Variants in CFAP92 observed in about 807,000 individuals in gnomAD.
CFAP92 encodes uncharacterized protein CFAP92.
Under a neutral mutation model 106.3 loss-of-function variants are expected in CFAP92, and 86 were observed. That is an observed-to-expected ratio of 0.81 (90% CI 0.68 to 0.97). The LOEUF is 0.97. Ranked by LOEUF, CFAP92 falls within the 50% of genes least tolerant of loss-of-function variation. The pLI is 0.00. For missense variants in CFAP92, 1,204 were observed against 1,283.8 expected, an observed-to-expected ratio of 0.94 and a Z score of 0.95; for synonymous variants, 477 against 506.4, an observed-to-expected ratio of 0.94 and a Z score of 0.78.
At chr3:128,977,202 A>T in intron 5 of CFAP92, 136 bp from the exon 6 acceptor site, 1 of 672,022 alleles carries the variant, frequency 1.5e-6, no homozygotes, top group Admixed American at 2.4e-5. Flanking sequence ...GGATATTGTT[A>T]ATAACTGAGT....
chr3:128,956,196 T>TAAAAAAAAAAA (rs577724635), intron 9 of CFAP92, among the ~76,000 whole-genome samples: 20 of 61,644 alleles, frequency 3.2e-4, no homozygotes, highest in Admixed American at 6.2e-4. Context: ...AAAAAAAAAA[T>TAAAAAAAAAAA]AAAAAAAAAA....
At chr3:128,919,733 T>G (rs1262856097) in intron 12 of CFAP92, among the ~76,000 whole-genome samples, 1 of 152,144 alleles carries the variant, frequency 6.6e-6, no homozygotes, top group East Asian at 1.9e-4. Context: ...AAAAGAAGCT[T>G]AAGAAGTTTA....
intron 6 of CFAP92, 39 bp downstream of exon 6, chr3:128,976,940 G>C (rs1350787989): frequency 4.0e-6 from 6 of 1,506,676 alleles, no homozygotes; most frequent in Middle Eastern, 1.7e-4. Flanking sequence ...TACAAGAGGG[G>C]CTCCACTCCC....
chr3:128,975,314 T>C (rs929633658), intron 7 of CFAP92, among the ~76,000 whole-genome samples: 1 of 152,116 alleles, frequency 6.6e-6, no homozygotes, highest in African/African-American at 2.4e-5. Context: ...GTTCCCCATA[T>C]GCACAACACC....
intron 1 of CFAP92, chr3:129,001,478 A>T: frequency 8.1e-7 from 1 of 1,234,768 alleles, no homozygotes; most frequent in Non-Finnish European, 1.0e-6. Context: ...CTGTGAGGCC[A>T]GCGCAGCTGC....
intron 1 of CFAP92, chr3:129,002,117 C>A: frequency 6.8e-7 from 1 of 1,481,282 alleles, no homozygotes; most frequent in South Asian, 1.3e-5. Flanking sequence ...GGCTGCCCCG[C>A]GGCGCTCTCA....
At chr3:129,025,464 G>C in the CFAP92 span, among the ~76,000 whole-genome samples, 2 of 152,242 alleles carry the variant, frequency 1.3e-5, no homozygotes, top group African/African-American at 4.8e-5. Context: ...CATTGGGCTT[G>C]GCAGCCCAGT....
chr3:128,984,791 T>G (rs1016110370), intron 4 of CFAP92, among the ~76,000 whole-genome samples: 2 of 152,240 alleles, frequency 1.3e-5, no homozygotes, highest in Admixed American at 1.3e-4. Context: ...GCAGGCTGAA[T>G]GCTAACAAGT....
At chr3:128,920,766 G>A (rs2107684912) in intron 12 of CFAP92, among the ~76,000 whole-genome samples, 1 of 152,302 alleles carries the variant, frequency 6.6e-6, no homozygotes, top group Non-Finnish European at 1.5e-5. Flanking sequence ...AAGCCACAAG[G>A]GCGTGGCTTG....
At chr3:128,939,137 A>G (rs1159286413) in intron 10 of CFAP92, among the ~76,000 whole-genome samples, 1 of 151,780 alleles carries the variant, frequency 6.6e-6, no homozygotes, top group Non-Finnish European at 1.5e-5. Flanking sequence ...TGTCTGCTAG[A>G]GTTATTTATT....
chr3:129,001,416 C>G (rs1317634076), intron 1 of CFAP92, among the ~76,000 whole-genome samples: 1 of 152,202 alleles, frequency 6.6e-6, no homozygotes, highest in East Asian at 1.9e-4. Flanking sequence ...CCGGGGGTTC[C>G]TGGACCCCCT....
At chr3:128,991,685 C>G in intron 2 of CFAP92, 1 of 820,610 alleles carries the variant, frequency 1.2e-6, no homozygotes. Flanking sequence ...TAGGCCTCAG[C>G]CGGCCTGCAC....
intron 9 of CFAP92, among the ~76,000 whole-genome samples, chr3:128,949,707 A>G (rs1212461251): frequency 1.3e-5 from 2 of 152,194 alleles, no homozygotes; most frequent in Non-Finnish European, 2.9e-5. Context: ...TTTTTCTGAG[A>G]CAGAGTTTCT....
At chr3:129,001,694 A>C in intron 1 of CFAP92, 1 of 1,493,334 alleles carries the variant, frequency 6.7e-7, no homozygotes. Flanking sequence ...CGTACCGGCG[A>C]CCTGCGCGGC....
chr3:128,944,121 G>T (rs1939963868), intron 10 of CFAP92, among the ~76,000 whole-genome samples: 1 of 151,494 alleles, frequency 6.6e-6, no homozygotes, highest in African/African-American at 2.4e-5. Context: ...GTAGTAACAA[G>T]GTATCACTAT....
intron 4 of CFAP92, among the ~76,000 whole-genome samples, chr3:128,978,951 A>C (rs971668245): frequency 2.6e-5 from 4 of 152,240 alleles, no homozygotes; most frequent in African/African-American, 9.6e-5. Context: ...CAAAATTGAC[A>C]AATGGGATCT....
intron 12 of CFAP92, 57 bp downstream of exon 12, chr3:128,932,643 G>T: frequency 1.4e-6 from 2 of 1,475,448 alleles, no homozygotes; most frequent in Non-Finnish European, 9.0e-7. Flanking sequence ...CTCAGCAGGC[G>T]CCTGGACCGC....
At position 128,978,107 on chromosome 3, in the gene CFAP92, G is replaced by A. The variant is rs754494038; in HGVS notation, c.746C>T (p.Ser249Leu). The change falls in exon 5 of 16, where the codon TCG becomes TTG. Residue 249 changes from serine to leucine, a missense_variant. By Grantham distance (145) the Ser-to-Leu change is moderately radical (BLOSUM62 -2). Transcript: ENST00000645291. ...IENTNIVREE[S>L]NQEHPPGKQE... ...TTTTCCTGGCGGATGTTCCTGGTTC[G>A]ACTCTTCTCTGACAATGTTGGTATT... is the stretch of plus-strand genomic sequence containing the variant. The A allele has an allele frequency of 1.2e-5, 20 of 1,613,910 alleles. No individual in the cohort carries two copies. The highest frequency in any genetic ancestry group is 3.3e-4 in the Middle Eastern group (2 of 6,062).
At chr3:128,947,513 A>G (rs917987124) in intron 9 of CFAP92, among the ~76,000 whole-genome samples, 1 of 152,240 alleles carries the variant, frequency 6.6e-6, no homozygotes, top group Non-Finnish European at 1.5e-5. Flanking sequence ...AAGCTACTAT[A>G]AGCAAGACAG....
Sources: gnomAD v4.1 joint callset for allele counts (sites outside exome capture counted in the v4.1 genomes callset) on GRCh38, gnomAD v4.1.1 for gene constraint, MANE v1.5 for transcripts, NCBI Gene and HGNC (gene_info 2026-07-23, HGNC 2026-07-21) for gene names.